The following RPS4X variants were observed in gnomAD, a reference collection of about 807,000 sequenced individuals.
RPS4X encodes ribosomal protein S4 X-linked.
For missense variants in RPS4X, 90 were observed against 219.1 expected (o/e 0.41, Z 3.72); for synonymous variants, 76 against 76.8 (o/e 0.99, Z 0.06).
At chrX:72,274,297 A>G in intron 4 of RPS4X, 1 of 339,256 alleles carries the variant, frequency 2.9e-6, no homozygotes, top group Non-Finnish European at 5.7e-6. Flanking sequence ...ACAAACAGCA[A>G]TTACATTACC....
At chrX:72,275,345 A>G (rs746480342) in intron 3 of RPS4X, among the ~76,000 whole-genome samples, 195 bp from the exon 4 acceptor site, 2 of 112,218 alleles carry the variant, frequency 1.8e-5, no homozygotes, top group East Asian at 5.6e-4. Context: ...GTAAAATTTA[A>G]AAGTGAATCG....
At chrX:72,275,478 A>G in intron 3 of RPS4X, 66 bp downstream of exon 3, 3 of 888,181 alleles carry the variant, frequency 3.4e-6, no homozygotes, top group South Asian at 2.2e-5. Flanking sequence ...AAAATGATCA[A>G]GACAGTATTT....
In RPS4X at chrX:72,272,621, A is replaced by C. The variant is rs1393727492; in HGVS notation, c.*50T>G. On this transcript the variant is annotated 3_prime_UTR_variant, in exon 7 of 7. Coordinates refer to ENST00000316084, the MANE Select transcript of RPS4X (RefSeq NM_001007.5). ...ACCAAAATGCTATTAATCCTGCCAC[A>C]ATATTTTTAATTACGTACAAAGATC... is the stretch of plus-strand genomic sequence containing the variant. 4.4e-6 allele frequency: 4 copies of C among 902,090 alleles called. No homozygotes were observed. The highest frequency in any genetic ancestry group is 6.3e-6 in the Non-Finnish European group (4 of 632,099). 74.3% of individuals were successfully genotyped at this position (902,090 alleles called of 1,213,427 possible).
chrX:72,274,458 C>T (rs1023258144), intron 4 of RPS4X: 2 of 341,783 alleles, frequency 5.9e-6, no homozygotes, highest in Non-Finnish European at 1.2e-5. Flanking sequence ...AAATTAGGAG[C>T]CACATCAGTC....
intron 4 of RPS4X, chrX:72,274,420 T>C (rs749073438): frequency 8.8e-6 from 3 of 342,666 alleles, no homozygotes; most frequent in African/African-American, 5.3e-5. Context: ...TGCCCTCCAG[T>C]CTGCTGTTAA....
At chrX:72,274,298 T>C (rs1330348263) in intron 4 of RPS4X, 5 of 336,948 alleles carry the variant, frequency 1.5e-5, no homozygotes, top group South Asian at 6.4e-5. Context: ...CAAACAGCAA[T>C]TACATTACCA....
At chrX:72,276,414 G>A (rs1361930531) in intron 1 of RPS4X, among the ~76,000 whole-genome samples, 180 bp from the exon 2 acceptor site, 1 of 112,393 alleles carries the variant, frequency 8.9e-6, no homozygotes, top group Non-Finnish European at 1.9e-5. Flanking sequence ...AGATCCATAA[G>A]CTGCAACAAG....
chrX:72,275,431 C>G, intron 3 of RPS4X, 113 bp downstream of exon 3: 2 of 601,072 alleles, frequency 3.3e-6, no homozygotes, highest in Non-Finnish European at 2.6e-6. Context: ...GAAGGTCAGG[C>G]TTTGTTTCTG....
At chrX:72,274,346 A>G (rs1602469233) in intron 4 of RPS4X, 1 of 336,299 alleles carries the variant, frequency 3.0e-6, no homozygotes, top group Non-Finnish European at 5.8e-6. Context: ...TAGCATTTCA[A>G]TTTTGGATCT....
At chrX:72,275,856 G>A in intron 2 of RPS4X, 132 bp from the exon 3 acceptor site, 3 of 536,553 alleles carry the variant, frequency 5.6e-6, no homozygotes, top group Admixed American at 3.9e-5. Context: ...TTACACAGGA[G>A]GTGTAAAAAG....
intron 6 of RPS4X, 132 bp downstream of exon 6, chrX:72,273,100 C>T (rs2043187131): frequency 8.5e-6 from 5 of 586,922 alleles, no homozygotes; most frequent in Non-Finnish European, 1.1e-5. Context: ...CCCAGCTCTG[C>T]GTGAGTCCTA....
In RPS4X at chrX:72,273,918, G is replaced by A; in HGVS notation, c.415C>T (p.Leu139=). The change falls in exon 5 of 7, where the codon CTG becomes TTG. Residue 139 remains leucine, a synonymous_variant. Transcript: ENST00000316084. ...ATGGTGCGGGCATCATGAGTCACCA[G>A]ATGAGGGATTCCTTTTGTGCCCACA... ...IFVGTKGIPH[L]VTHDARTIRY... is the part of the protein sequence containing the mutation. The A allele has an allele frequency of 1.7e-6, 2 of 1,209,609 alleles. No homozygotes were observed. The highest frequency in any genetic ancestry group is 2.2e-6 in the Non-Finnish European group (2 of 894,289).
At chrX:72,276,523 G>A (rs1040240677) in intron 1 of RPS4X, among the ~76,000 whole-genome samples, 17 of 112,029 alleles carry the variant, frequency 1.5e-4, no homozygotes, top group African/African-American at 5.2e-4. Context: ...CCATGTTACT[G>A]TTTGAAACTG....
chrX:72,273,197 T>C, intron 6 of RPS4X, 35 bp downstream of exon 6: 10 of 1,166,252 alleles, frequency 8.6e-6, no homozygotes, highest in Non-Finnish European at 1.2e-5. Context: ...TTTACATATT[T>C]CCTCAGACTA....
Position 72,277,228 on chromosome X carries a change from C to G in RPS4X, c.-33G>C, listed in dbSNP as rs779190840. On this transcript the variant is annotated 5_prime_UTR_variant, in exon 1 of 7. Transcript: ENST00000316084. ...TTAGGCAAGGAAAGAGGACCTCCGT[C>G]TTCCGGTGCGCGTAGAAATTGGGGC... The G allele has an allele frequency of 6.6e-6, 8 of 1,206,157 alleles. No homozygotes were observed. Among genetic ancestry groups the G allele is most frequent in the Non-Finnish European group, 9.0e-6 (8 of 892,429 alleles).
rs868264193 is a variant in RPS4X, at chrX:72,277,240, G to T, written c.-45C>A. The T allele has an allele frequency of 2.5e-6, 3 of 1,199,312 alleles. No homozygotes were observed. The highest frequency in any genetic ancestry group is 1.8e-5 in the South Asian group (1 of 55,649). ...AGAGGACCTCCGTCTTCCGGTGCGC[G>T]TAGAAATTGGGGCTGGAGACTGCGC... is the stretch of plus-strand genomic sequence containing the variant. On this transcript the variant is annotated 5_prime_UTR_variant, in exon 1 of 7. Transcript: ENST00000316084.
chrX:72,274,370 T>A (rs774817109), intron 4 of RPS4X: 39 of 340,891 alleles, frequency 1.1e-4, no homozygotes, highest in Non-Finnish European at 2.3e-4. Context: ...CTCCCTGATA[T>A]CCTTGAAGTA....
In RPS4X at chrX:72,276,200, G is replaced by A; in HGVS notation, c.38C>T (p.Ala13Val). 8.3e-7 allele frequency: 1 copy of A among 1,210,407 alleles called. No individual in the cohort carries two copies. The highest frequency in any genetic ancestry group is 1.1e-6 in the Non-Finnish European group (1 of 894,423). ...ATCCAGCATCCAATGCTTTGGAGCT[G>A]CCACCCGCTTCAGATGCTTCTTGGG... ...RGPKKHLKRV[A>V]APKHWMLDKL... Residue 13 changes from alanine (A) to valine (V), a missense_variant, in exon 2 of 7, where the codon GCA becomes GTA. By Grantham distance (64) the Ala-to-Val change is moderately conservative (BLOSUM62 0). Coordinates refer to ENST00000316084, the MANE Select transcript of RPS4X (RefSeq NM_001007.5).
rs975604288 is a variant in RPS4X at position 72,274,649 on chromosome X, C to G, written c.360+404G>C. ...CCTTCCCCTCCCCAAAGTAAAGCTA[C>G]TCCCACAAATGGAGACATGGCAAAG... On this transcript the variant is annotated intron_variant, in intron 4 of 6. Coordinates refer to ENST00000316084, the MANE Select transcript of RPS4X (RefSeq NM_001007.5). The G allele has an allele frequency of 8.9e-5, 22 of 247,330 alleles. No homozygotes were observed. In the Admixed American group the frequency reaches 1.1e-3, roughly 12 times the overall value. 20.4% of individuals were successfully genotyped at this position (247,330 alleles called of 1,213,427 possible).
Sources: gnomAD v4.1 joint callset for allele counts (sites outside exome capture counted in the v4.1 genomes callset) on GRCh38, gnomAD v4.1.1 for gene constraint, MANE v1.5 for transcripts, NCBI Gene and HGNC (gene_info 2026-07-23, HGNC 2026-07-21) for gene names.